Variants in EFR3B observed in about 807,000 individuals in gnomAD.
EFR3B encodes protein EFR3 homolog B.
In EFR3B, 64 loss-of-function variants were observed where a neutral mutation model predicts 104.7. That is an observed-to-expected ratio of 0.61 (90% confidence interval 0.50 to 0.75). The LOEUF is 0.75. Among genes scored for constraint, EFR3B ranks in the 30% least tolerant of loss-of-function variants. The pLI is 0.00. For missense variants in EFR3B, 750 were observed against 1,078.5 expected, an observed-to-expected ratio of 0.70 and a Z score of 4.27; for synonymous variants, 385 against 417.9, an observed-to-expected ratio of 0.92 and a Z score of 0.96.
intron 17 of EFR3B, 110 bp from the exon 18 acceptor site, chr2:25,143,625 A>G (rs990245687): frequency 5.1e-6 from 7 of 1,362,744 alleles, no homozygotes; most frequent in African/African-American, 1.4e-5. Context: ...GCACCACCAC[A>G]CTCCAGCCTG....
intron 1 of EFR3B, chr2:25,080,139 A>G (rs1668752155): frequency 8.5e-7 from 1 of 1,173,382 alleles, no homozygotes; most frequent in Non-Finnish European, 1.3e-6. Context: ...CAATAACATC[A>G]CAGTGCATGA....
chr2:25,107,660 T>C (rs114032934), intron 4 of EFR3B, among the ~76,000 whole-genome samples: 364 of 152,260 alleles, frequency 2.4e-3, no homozygotes, highest in Middle Eastern at 0.01. Context: ...CCTCCCTTGC[T>C]TCCCTCATTC....
At chr2:25,152,379 A>T (rs1164233821) in intron 21 of EFR3B, among the ~76,000 whole-genome samples, 3 of 152,190 alleles carry the variant, frequency 2.0e-5, no homozygotes, top group African/African-American at 7.2e-5. Context: ...CGTGAACAGC[A>T]CTCACTGCGG....
intron 1 of EFR3B, among the ~76,000 whole-genome samples, chr2:25,074,551 C>T (rs1190982148): frequency 2.7e-5 from 4 of 150,468 alleles, no homozygotes; most frequent in African/African-American, 9.8e-5. Flanking sequence ...AGTGACAGAG[C>T]GAGACTCCAT....
At chr2:25,125,377 C>A (rs1670135187) in intron 5 of EFR3B, among the ~76,000 whole-genome samples, 2 of 152,296 alleles carry the variant, frequency 1.3e-5, no homozygotes, top group African/African-American at 4.8e-5. Flanking sequence ...GTCACTTGTC[C>A]CTTGGTTAGG....
chr2:25,125,816 CGG>C (rs1368105375), intron 5 of EFR3B, among the ~76,000 whole-genome samples: 1 of 152,128 alleles, frequency 6.6e-6, no homozygotes, highest in African/African-American at 2.4e-5. Flanking sequence ...GGCGTGGTGG[CGG>C]GCGCCTGTAG....
chr2:25,132,963 G>C lies in EFR3B; in HGVS notation c.1208G>C (p.Ser403Thr). Residue 403 changes from serine (S) to threonine (T), a missense_variant, in exon 11 of 23, where the codon AGC (serine) becomes ACC (threonine). Ser to Thr is a moderately conservative substitution (Grantham distance 58). Coordinates refer to ENST00000403714, the MANE Select transcript of EFR3B (RefSeq NM_014971.2). ...TCCGAGGTGATCCTCTTCATCATGA[G>C]CAAGGTCCCGCGGCCATCCCTGCAC... ...QRSEVILFIM[S>T]KVPRPSLHQA... The C allele has an allele frequency of 6.4e-7, 1 of 1,551,632 alleles. No individual in the cohort carries two copies. The highest frequency in any genetic ancestry group is 8.7e-7 in the Non-Finnish European group (1 of 1,146,960).
intron 1 of EFR3B, among the ~76,000 whole-genome samples, chr2:25,079,613 A>C (rs1165771510): frequency 6.6e-6 from 1 of 152,224 alleles, no homozygotes; most frequent in Non-Finnish European, 1.5e-5. Context: ...TTATCAATGA[A>C]GAACTTTGTA....
Position 25,095,772 on chromosome 2 carries a change from G to A in EFR3B, c.212+2642G>A, listed in dbSNP as rs984143390. ...TGAACAGTGGGGCTGGGGTTTTTTG[G>A]TTTTGTTTTGTTTCGTATCTATTTT... On this transcript the variant is annotated intron_variant, in intron 3 of 22. Transcript: ENST00000403714. Among the ~76,000 whole-genome samples the A allele has an allele frequency of 2.6e-5, 4 of 152,150 alleles. No individual in the cohort carries two copies. The East Asian group carries it at 7.7e-4, about 29-fold the overall frequency.
chr2:25,133,404 C>T lies in EFR3B; in HGVS notation c.1281C>T (p.Thr427=). The change falls in exon 12 of 23, where the codon ACC becomes ACT. Residue 427 remains threonine, a synonymous_variant. Transcript: ENST00000403714. ...ACAGGGAGAATAGGAACCGTCTGAC[C>T]CAGATTATGCTGCTAAAATCCCTCC... The part of the protein sequence containing the change: ...GRTGENRNRL[T]QIMLLKSLLQ... 1.3e-6 allele frequency: 2 copies of T among 1,552,348 alleles called. No homozygotes were observed. The highest frequency in any genetic ancestry group is 1.7e-6 in the Non-Finnish European group (2 of 1,147,136).
At chr2:25,112,429 AG>A (rs1558606441) in intron 4 of EFR3B, among the ~76,000 whole-genome samples, 2 of 152,208 alleles carry the variant, frequency 1.3e-5, no homozygotes, top group African/African-American at 4.8e-5. Context: ...AGAGTCTTGA[AG>A]GGGGGACTGT....
chr2:25,093,492 T>G (rs976969856), intron 3 of EFR3B, among the ~76,000 whole-genome samples: 1 of 151,660 alleles, frequency 6.6e-6, no homozygotes, highest in Non-Finnish European at 1.5e-5. Flanking sequence ...AGTAAGATTT[T>G]GTCTCAAAAA....
chr2:25,143,674 G>C (rs1191737906), intron 17 of EFR3B, 61 bp from the exon 18 acceptor site: 14 of 1,535,498 alleles, frequency 9.1e-6, no homozygotes, highest in Non-Finnish European at 1.1e-5. Flanking sequence ...AAAAAAAATT[G>C]TTCAGAAGTC....
chr2:25,135,595 T>C lies in EFR3B; in HGVS notation c.1440T>C (p.Ser480=). ...IRLFVLEILI[S]FIDRHGNRHK... ...TCTTTGTTCTAGAGATTCTCATCAG[T>C]TTCATTGATCGTCATGGCAACCGCC... Residue 480 remains serine (S), a synonymous_variant, in exon 13 of 23, where the codon AGT becomes AGC. Transcript: ENST00000403714. 6.4e-7 allele frequency: 1 copy of C among 1,551,978 alleles called. No homozygotes were observed. The highest frequency in any genetic ancestry group is 8.7e-7 in the Non-Finnish European group (1 of 1,147,072).
intron 5 of EFR3B, among the ~76,000 whole-genome samples, chr2:25,124,892 A>G (rs1205957332): frequency 6.6e-6 from 1 of 151,800 alleles, no homozygotes; most frequent in Admixed American, 6.6e-5. Context: ...CCCCGTCTCT[A>G]TTGAAAACAC....
rs34181444 is a variant in EFR3B at position 25,124,738 on chromosome 2, CAAAAAAAAAAA to C, written c.485+2959_485+2969del. On this transcript the variant is annotated intron_variant, in intron 5 of 22. Transcript: ENST00000403714. ...TGGGCAACACAGCGAGACTCTGTCT[CAAAAAAAAAAA>C]AAAAAAAAAAAAAAGGAGCAGTAAG... Among the ~76,000 whole-genome samples, 7 of 41,796 alleles carry C rather than the reference CAAAAAAAAAAA, an allele frequency of 1.7e-4. No individual in the cohort carries two copies. The South Asian group carries it at 0.01, about 60-fold the overall frequency. 27.4% of individuals were successfully genotyped at this position (41,796 alleles called of 152,430 possible). A position where few individuals can be genotyped will look rare whatever the true frequency, so the allele number is the denominator to read the frequency against.
intron 1 of EFR3B, among the ~76,000 whole-genome samples, chr2:25,055,916 G>A (rs898342854): frequency 2.0e-5 from 3 of 152,210 alleles, no homozygotes; most frequent in African/African-American, 7.2e-5. Flanking sequence ...CAACAGATCT[G>A]TGAACCTCTT....
Position 25,141,452 on chromosome 2 carries a change from A to AC in EFR3B, c.1922+20dup. Reference sequence around the variant, plus strand: ...GGCCCAGGTGAGGAGAGGACGGGGGACGTGGTCAGGGATCCCCAGGGCAGC... The same window carrying AC: ...GGCCCAGGTGAGGAGAGGACGGGGGACCGTGGTCAGGGATCCCCAGGGCAGC... On this transcript the variant is annotated intron_variant, in intron 17 of 22. Transcript: ENST00000403714. 6.5e-7 allele frequency: 1 copy of AC among 1,550,242 alleles called. No homozygotes were observed. The highest frequency in any genetic ancestry group is 1.4e-5 in the African/African-American group (1 of 73,082).
chr2:25,112,801 T>TTCA (rs2149196363), intron 4 of EFR3B, among the ~76,000 whole-genome samples: 1 of 152,346 alleles, frequency 6.6e-6, no homozygotes, highest in Admixed American at 6.5e-5. Flanking sequence ...GTCCTTGAAC[T>TTCA]GCGAGAAAGT....
Sources: gnomAD v4.1 joint callset for allele counts (sites outside exome capture counted in the v4.1 genomes callset) on GRCh38, gnomAD v4.1.1 for gene constraint, MANE v1.5 for transcripts, NCBI Gene and HGNC (gene_info 2026-07-23, HGNC 2026-07-21) for gene names.